Variants in POLR3B observed in about 807,000 individuals in gnomAD.
POLR3B encodes DNA-directed RNA polymerase III subunit RPC2.
Under a neutral mutation model 147.4 loss-of-function variants are expected in POLR3B, and 96 were observed. That is an observed-to-expected ratio of 0.65 (90% CI 0.55 to 0.77). The LOEUF is 0.77. POLR3B is among the 30% of genes least tolerant of loss of function. The pLI is 0.00. For synonymous variants in POLR3B, 461 were observed against 485.9 expected (o/e 0.95, Z 0.67); for missense variants, 1,036 against 1,413.5 (o/e 0.73, Z 4.28).
At chr12:106,444,328 C>T (rs2037693747) in intron 18 of POLR3B, 135 bp from the exon 19 acceptor site, 290 of 713,886 alleles carry the variant, frequency 4.1e-4, no homozygotes, top group South Asian at 1.4e-3. Context: ...TTTATTTTAC[C>T]AGTTTTACTA....
rs558820758 is a variant in POLR3B, at chr12:106,364,114, A to C, written c.105+212A>C. Among the ~76,000 whole-genome samples, 8 of 152,370 alleles carry C rather than the reference A, an allele frequency of 5.3e-5. No individual in the cohort carries two copies. The East Asian group carries it at 1.5e-3, about 29-fold the overall frequency. ...TAATTTTAGAGAGAAGTAGTAGTAC[A>C]TGCACAGTAGCATGGCACATGATTA... On this transcript the variant is annotated intron_variant, in intron 2 of 27. Coordinates refer to ENST00000228347, the MANE Select transcript of POLR3B (RefSeq NM_018082.6).
chr12:106,408,850 A>G (rs1047717371), intron 11 of POLR3B, among the ~76,000 whole-genome samples: 1 of 152,152 alleles, frequency 6.6e-6, no homozygotes, highest in Non-Finnish European at 1.5e-5. Context: ...CTAAGTATTA[A>G]CTCATTTCAA....
intron 19 of POLR3B, among the ~76,000 whole-genome samples, chr12:106,452,443 T>C (rs990699796): frequency 3.3e-5 from 5 of 152,154 alleles, no homozygotes; most frequent in Non-Finnish European, 5.9e-5. Context: ...TCCAGTCTCT[T>C]TCACCATTGT....
At position 106,394,939 on chromosome 12, in the gene POLR3B, G is replaced by A. The variant is rs140450225; in HGVS notation, c.846+1786G>A. On this transcript the variant is annotated intron_variant, in intron 10 of 27. Transcript: ENST00000228347. ...ATGTAGAACATATATTAACAGTTACGAAAACATGAATATTCTATGCTATTC... is the reference window on the plus strand; with the variant it reads ...ATGTAGAACATATATTAACAGTTACAAAAACATGAATATTCTATGCTATTC... 7.3e-3 allele frequency among the ~76,000 whole-genome samples: 1,116 copies of A among 152,232 alleles called. 16 individuals are homozygous for A. The highest frequency in any genetic ancestry group is 0.025 in the African/African-American group (1,027 of 41,518).
At chr12:106,491,830 T>C (rs2038411279) in intron 23 of POLR3B, among the ~76,000 whole-genome samples, 2 of 152,162 alleles carry the variant, frequency 1.3e-5, no homozygotes, top group Non-Finnish European at 2.9e-5. Context: ...AATGATTCTT[T>C]TTCTCTTTCC....
Position 106,445,267 on chromosome 12 carries a change from A to G in POLR3B, c.2083+677A>G, listed in dbSNP as rs188218918. On this transcript the variant is annotated intron_variant, in intron 19 of 27. Transcript: ENST00000228347. Reference sequence around the variant, plus strand: ...GTGCTCAGGGAGTTCAAAGTCTAGTAGGAGAGACCAACAAATAAAACAGTA... The same window carrying G: ...GTGCTCAGGGAGTTCAAAGTCTAGTGGGAGAGACCAACAAATAAAACAGTA... Among the ~76,000 whole-genome samples the G allele has an allele frequency of 5.6e-3, 853 of 152,340 alleles. 6 individuals carry two copies. Among genetic ancestry groups the G allele is most frequent in the Middle Eastern group, 6.8e-3 (2 of 294 alleles).
At chr12:106,443,810 T>C (rs1175149712) in intron 18 of POLR3B, among the ~76,000 whole-genome samples, 1 of 151,622 alleles carries the variant, frequency 6.6e-6, no homozygotes, top group African/African-American at 2.4e-5. Context: ...CGTGAGCCAC[T>C]GCATCCGGCC....
chr12:106,433,978 T>A lies in POLR3B; in HGVS notation c.1781+106T>A, dbSNP rs2037543529. ...TTGAAACTGTTTTAACCTCTTTCAT[T>A]GTGAAGATAAATTTAATTCCGTGAG... is the stretch of plus-strand genomic sequence containing the variant. On this transcript the variant is annotated intron_variant, in intron 16 of 27. Transcript: ENST00000228347. 4 of 902,960 alleles carry A rather than the reference T, an allele frequency of 4.4e-6. No individual in the cohort carries two copies. The Admixed American group carries it at 6.8e-5, about 15-fold the overall frequency. The allele number at this position is 902,960 out of a possible 1,614,324, so 55.9% of individuals were successfully genotyped here. A position where few individuals can be genotyped will look rare whatever the true frequency, so the allele number is the denominator to read the frequency against.
chr12:106,479,605 G>A (rs1047048480), intron 23 of POLR3B, among the ~76,000 whole-genome samples: 5 of 151,810 alleles, frequency 3.3e-5, no homozygotes, highest in South Asian at 2.1e-4. Context: ...GGATGGTCTC[G>A]ATCTCCTGAC....
At chr12:106,406,121 C>T (rs894779610) in intron 11 of POLR3B, 145 bp downstream of exon 11, 2 of 790,290 alleles carry the variant, frequency 2.5e-6, no homozygotes, top group Admixed American at 2.3e-5. Context: ...TCAGAAATAA[C>T]CTTCCATTAT....
At chr12:106,392,168 A>T (rs1593014382) in intron 9 of POLR3B, among the ~76,000 whole-genome samples, 1 of 150,970 alleles carries the variant, frequency 6.6e-6, no homozygotes, top group South Asian at 2.1e-4. Context: ...TTATTTTCTT[A>T]TTTTTTTTCC....
chr12:106,376,094 C>T (rs1453144279), intron 6 of POLR3B, among the ~76,000 whole-genome samples: 1 of 152,216 alleles, frequency 6.6e-6, no homozygotes, highest in Admixed American at 6.5e-5. Flanking sequence ...GATCCACCCA[C>T]CTTGGCCTCC....
chr12:106,434,923 A>G (rs1207187129), intron 16 of POLR3B, among the ~76,000 whole-genome samples: 4 of 152,182 alleles, frequency 2.6e-5, no homozygotes, highest in Non-Finnish European at 4.4e-5. Context: ...AAATGAGGTC[A>G]GTCAGACCCC....
At chr12:106,463,271 G>A (rs2037964149) in intron 22 of POLR3B, among the ~76,000 whole-genome samples, 1 of 152,086 alleles carries the variant, frequency 6.6e-6, no homozygotes, top group South Asian at 2.1e-4. Flanking sequence ...ATTGCACTGT[G>A]CCTTCCTCAT....
At chr12:106,498,582 G>GTTTTTTTTT (rs564316643) in intron 25 of POLR3B, among the ~76,000 whole-genome samples, 1 of 147,718 alleles carries the variant, frequency 6.8e-6, no homozygotes. Context: ...TTTGGGGTTT[G>GTTTTTTTTT]TTTTTTTTGT....
intron 23 of POLR3B, among the ~76,000 whole-genome samples, chr12:106,493,132 A>G (rs981744990): frequency 6.6e-6 from 1 of 152,236 alleles, no homozygotes; most frequent in African/African-American, 2.4e-5. Flanking sequence ...GTTTCACAAC[A>G]GCTTCCATTA....
chr12:106,463,660 T>C (rs1463724231), intron 23 of POLR3B, 40 bp downstream of exon 23: 1 of 1,544,386 alleles, frequency 6.5e-7, no homozygotes, highest in Admixed American at 1.7e-5. Context: ...TAAAACAATA[T>C]ATGAATGTAT....
chr12:106,504,331 T>G lies in POLR3B; in HGVS notation c.3272+77T>G. On this transcript the variant is annotated intron_variant, in intron 27 of 27. Coordinates refer to ENST00000228347, the MANE Select transcript of POLR3B (RefSeq NM_018082.6). This position sits in a 1 kb window ranked among gnomAD's most constrained non-coding sequence, Gnocchi z 4.6. ...CAGCTCAAGAATTGACCCTGGATCC[T>G]ATCCGCATATTCTCCAGCCTCTGTC... is the stretch of plus-strand genomic sequence containing the variant. 3 of 1,146,094 alleles carry G rather than the reference T, an allele frequency of 2.6e-6. No homozygotes were observed. The highest frequency in any genetic ancestry group is 4.0e-6 in the Non-Finnish European group (3 of 753,740). 71.0% of individuals were successfully genotyped at this position (1,146,094 alleles called of 1,614,324 possible).
At chr12:106,488,655 GA>G (rs111998639) in intron 23 of POLR3B, among the ~76,000 whole-genome samples, 3,205 of 152,236 alleles carry the variant, frequency 0.021, 109 homozygotes, top group African/African-American at 0.072. Context: ...ATAAAGATAG[GA>G]AGAGACATTC....
Sources: allele counts gnomAD v4.1 joint callset (sites outside exome capture counted in the v4.1 genomes callset), GRCh38; gene constraint gnomAD v4.1.1; non-coding constraint Gnocchi (gnomAD v3.1); transcripts MANE v1.5; gene names NCBI Gene and HGNC (gene_info 2026-07-23, HGNC 2026-07-21).